RIMS2: variants seen among roughly 807,000 people sequenced by gnomAD.
The protein encoded by RIMS2 is regulating synaptic membrane exocytosis protein 2.
A neutral mutation model predicts 174.4 loss-of-function variants in RIMS2; 59 were observed. That is an observed-to-expected ratio of 0.34 (90% confidence interval 0.27 to 0.42). The LOEUF (loss-of-function observed/expected upper bound fraction) is 0.42. Among genes scored for constraint, RIMS2 ranks in the 10% least tolerant of loss-of-function variants. RIMS2 has a pLI of 1.00. For synonymous variants in RIMS2, 606 were observed against 572.5 expected (o/e 1.06, Z -0.84); for missense variants, 1,620 against 1,666.3 (o/e 0.97, Z 0.48).
chr8:103,553,560 A>G (rs1849040284), intron 1 of RIMS2, among the ~76,000 whole-genome samples: 1 of 152,184 alleles, frequency 6.6e-6, no homozygotes, highest in Non-Finnish European at 1.5e-5. Context: ...ACAAAGCTGC[A>G]TGTTGTGCTC....
chr8:103,908,385 T>C (rs2074966799), intron 4 of RIMS2, among the ~76,000 whole-genome samples: 1 of 152,224 alleles, frequency 6.6e-6, no homozygotes, highest in Admixed American at 6.5e-5. Context: ...CCTTCTTATA[T>C]GTCCACTAGG....
intron 15 of RIMS2, among the ~76,000 whole-genome samples, chr8:103,972,704 T>C (rs931074348): frequency 6.6e-6 from 1 of 152,146 alleles, no homozygotes; most frequent in Non-Finnish European, 1.5e-5. Flanking sequence ...CCTTTCTCTC[T>C]GTGTTTATCA....
chr8:104,037,244 A>G (rs2096535974), intron 19 of RIMS2, among the ~76,000 whole-genome samples: 2 of 152,146 alleles, frequency 1.3e-5, no homozygotes, highest in Non-Finnish European at 2.9e-5. Flanking sequence ...TTTGAAAGGT[A>G]TCTCTCCTTC....
chr8:104,183,375 TG>T (rs1485035519), intron 19 of RIMS2, among the ~76,000 whole-genome samples: 32 of 151,704 alleles, frequency 2.1e-4, no homozygotes, highest in African/African-American at 7.0e-4. Flanking sequence ...ATTTTACCAT[TG>T]TTTTTTCCAT....
chr8:103,641,228 T>G (rs768078491), intron 1 of RIMS2, among the ~76,000 whole-genome samples: 19 of 152,164 alleles, frequency 1.2e-4, no homozygotes, highest in Non-Finnish European at 2.5e-4. Context: ...TTGGTGTTAT[T>G]TATTTATTCA....
rs575563592 is a variant in RIMS2, at chr8:104,212,258, G to A, written c.3335-32658G>A. Among the ~76,000 whole-genome samples, 249 of 152,266 alleles carry A rather than the reference G, an allele frequency of 1.6e-3. 2 individuals are homozygous for A. The highest frequency in any genetic ancestry group is 3.2e-3 in the Non-Finnish European group (217 of 68,010). ...GAAATGAAATTATATCCTCTGGAGG[G>A]AATGTATAATAAAAGAAGAGGGCCC... On this transcript the variant is annotated intron_variant, in intron 19 of 23. Coordinates refer to ENST00000504942, the Ensembl canonical transcript of RIMS2.
chr8:103,889,100 T>A lies in RIMS2; in HGVS notation c.1624+2877T>A, dbSNP rs75382253. ...TCATCATTATAGTAGCATTTTTTTA[T>A]TATTTGTGGAAAATTGGCAATTTGA... On this transcript the variant is annotated intron_variant, in intron 4 of 23. Coordinates refer to ENST00000504942, the Ensembl canonical transcript of RIMS2. 9.7e-3 allele frequency among the ~76,000 whole-genome samples: 1,480 copies of A among 151,858 alleles called. 20 individuals are homozygous for A. Among genetic ancestry groups the A allele is most frequent in the East Asian group, 0.047 (242 of 5,156 alleles).
intron 19 of RIMS2, among the ~76,000 whole-genome samples, chr8:104,034,447 A>G (rs2096466613): frequency 7.1e-6 from 1 of 141,182 alleles, no homozygotes. Context: ...AAAACAAGTG[A>G]TTTACTTGCA....
chr8:103,798,275 G>A (rs1409828368), intron 3 of RIMS2, among the ~76,000 whole-genome samples: 1 of 152,016 alleles, frequency 6.6e-6, no homozygotes, highest in African/African-American at 2.4e-5. Context: ...ATATATAAAA[G>A]TAGTCAGATA....
At chr8:104,006,692 G>C (rs2154552917) in intron 17 of RIMS2, among the ~76,000 whole-genome samples, 1 of 141,462 alleles carries the variant, frequency 7.1e-6, no homozygotes, top group East Asian at 2.1e-4. Flanking sequence ...TTTTACTTAG[G>C]TCAGATATCT....
At chr8:103,670,586 C>T (rs769701254) in intron 1 of RIMS2, among the ~76,000 whole-genome samples, 2 of 152,150 alleles carry the variant, frequency 1.3e-5, no homozygotes, top group Non-Finnish European at 2.9e-5. Context: ...TTTCTTCTGC[C>T]AGGTACCCTA....
chr8:103,874,400 C>T (rs371584123), intron 3 of RIMS2, among the ~76,000 whole-genome samples: 2 of 151,958 alleles, frequency 1.3e-5, no homozygotes, highest in Non-Finnish European at 2.9e-5. Flanking sequence ...ACATTCCTTC[C>T]GTTTCAAGAA....
At chr8:103,769,567 C>A (rs2098224912) in intron 3 of RIMS2, among the ~76,000 whole-genome samples, 1 of 152,282 alleles carries the variant, frequency 6.6e-6, no homozygotes, top group East Asian at 1.9e-4. Flanking sequence ...CTGAGATGAT[C>A]CACCCACCTC....
chr8:103,946,454 T>C (rs968539809), intron 14 of RIMS2, among the ~76,000 whole-genome samples: 1 of 152,104 alleles, frequency 6.6e-6, no homozygotes, highest in African/African-American at 2.4e-5. Context: ...ATCATGCCAC[T>C]GCACTCCAGC....
At chr8:103,949,261 T>C (rs2084720652) in intron 14 of RIMS2, among the ~76,000 whole-genome samples, 1 of 152,002 alleles carries the variant, frequency 6.6e-6, no homozygotes, top group Non-Finnish European at 1.5e-5. Context: ...GAGATTTTAG[T>C]ACTCCGCTGT....
At chr8:104,078,213 T>G (rs779726390) in intron 19 of RIMS2, among the ~76,000 whole-genome samples, 11 of 151,754 alleles carry the variant, frequency 7.2e-5, no homozygotes, top group Non-Finnish European at 1.3e-4. Context: ...ATTTTAGCGA[T>G]TTTGTATTTT....
At chr8:103,885,741 C>T in exon 4 of RIMS2, 1 of 1,612,888 alleles carries the variant, frequency 6.2e-7, no homozygotes, top group South Asian at 1.1e-5. Flanking sequence ...CTGGAAGATT[C>T]CAGGATTTCT....
chr8:104,144,637 C>A (rs1056518899), intron 19 of RIMS2, among the ~76,000 whole-genome samples: 1 of 152,070 alleles, frequency 6.6e-6, no homozygotes, highest in African/African-American at 2.4e-5. Context: ...TTTTAGCAGA[C>A]TGGTCACAGT....
At chr8:103,801,713 G>T (rs1021756916) in intron 3 of RIMS2, among the ~76,000 whole-genome samples, 9 of 152,056 alleles carry the variant, frequency 5.9e-5, no homozygotes, top group Non-Finnish European at 1.2e-4. Context: ...CAGAAGTTTT[G>T]CCTTTTAGTC....
Sources: allele counts gnomAD v4.1 joint callset (sites outside exome capture counted in the v4.1 genomes callset), GRCh38; gene constraint gnomAD v4.1.1; transcripts MANE v1.5; gene names NCBI Gene and HGNC (gene_info 2026-07-23, HGNC 2026-07-21).